Variants in TMTC1 observed in about 807,000 individuals in gnomAD.
The protein encoded by TMTC1 is transmembrane O-mannosyltransferase targeting cadherins 1, also known as protein O-mannosyl-transferase TMTC1.
A neutral mutation model predicts 104.8 loss-of-function variants in TMTC1; 73 were observed. The ratio of observed to expected loss-of-function variants is 0.70; its 90% CI spans 0.58 to 0.85. The LOEUF is 0.85. Ranked by LOEUF, TMTC1 falls within the 40% of genes least tolerant of loss-of-function variation. TMTC1 has a pLI of 0.00. For missense variants in TMTC1, 1,035 were observed against 1,096.1 expected (o/e 0.94, Z 0.79); for synonymous variants, 434 against 428.7 (o/e 1.01, Z -0.15).
intron 10 of TMTC1, among the ~76,000 whole-genome samples, chr12:29,536,634 T>A (rs572631426): frequency 6.6e-6 from 1 of 152,242 alleles, no homozygotes; most frequent in Non-Finnish European, 1.5e-5. Context: ...GAAACTTTGA[T>A]CTTCAGAGGA....
chr12:29,562,311 A>ATTT (rs796221350), intron 9 of TMTC1, among the ~76,000 whole-genome samples: 182 of 152,334 alleles, frequency 1.2e-3, no homozygotes, highest in African/African-American at 4.3e-3. Flanking sequence ...GGCCAGCTAA[A>ATTT]TTATCTGACC....
intron 5 of TMTC1, among the ~76,000 whole-genome samples, chr12:29,750,123 GAAT>G (rs1225727665): frequency 7.3e-5 from 11 of 150,114 alleles, no homozygotes; most frequent in African/African-American, 2.7e-4. Flanking sequence ...ATTCCCCTCA[GAAT>G]AAAATCCAAA....
At chr12:29,710,626 AT>A (rs1591959018) in intron 5 of TMTC1, among the ~76,000 whole-genome samples, 2 of 141,836 alleles carry the variant, frequency 1.4e-5, no homozygotes, top group Admixed American at 7.2e-5. Context: ...TTATATTTAT[AT>A]TTTTATATTT....
chr12:29,703,532 A>C (rs1365740817), intron 5 of TMTC1, among the ~76,000 whole-genome samples: 1 of 152,216 alleles, frequency 6.6e-6, no homozygotes, highest in African/African-American at 2.4e-5. Flanking sequence ...TTTATAGAGA[A>C]CTGGTTGCTT....
intron 5 of TMTC1, among the ~76,000 whole-genome samples, chr12:29,745,607 C>T (rs576713435): frequency 5.5e-5 from 6 of 109,556 alleles, no homozygotes; most frequent in South Asian, 3.1e-4. Context: ...AGCAACAGAG[C>T]GAGACTCAAT....
chr12:29,614,193 A>T (rs1946918862), intron 6 of TMTC1, among the ~76,000 whole-genome samples: 1 of 152,214 alleles, frequency 6.6e-6, no homozygotes, highest in Non-Finnish European at 1.5e-5. Context: ...AAAAGGTGAG[A>T]TTTGCTTCCA....
chr12:29,647,925 T>G (rs544242475), intron 5 of TMTC1, among the ~76,000 whole-genome samples: 1 of 152,290 alleles, frequency 6.6e-6, no homozygotes, highest in South Asian at 2.1e-4. Flanking sequence ...CCCTTCAAAC[T>G]GGTAAGACAA....
chr12:29,700,561 A>G (rs913379325), intron 5 of TMTC1, among the ~76,000 whole-genome samples: 6 of 152,126 alleles, frequency 3.9e-5, no homozygotes, highest in African/African-American at 1.2e-4. Context: ...CTAGTCAAAT[A>G]ACAAATGTGA....
intron 10 of TMTC1, among the ~76,000 whole-genome samples, chr12:29,556,510 A>G (rs990934815): frequency 1.3e-5 from 2 of 152,258 alleles, no homozygotes; most frequent in African/African-American, 4.8e-5. Flanking sequence ...GAAGATTCAC[A>G]AAGAATATTA....
At chr12:29,665,176 G>A (rs1940225931) in intron 5 of TMTC1, among the ~76,000 whole-genome samples, 1 of 152,146 alleles carries the variant, frequency 6.6e-6, no homozygotes. Context: ...GGAATGTCAA[G>A]GGATTCGTGA....
intron 11 of TMTC1, among the ~76,000 whole-genome samples, chr12:29,530,572 C>T (rs1304575297): frequency 6.6e-6 from 1 of 152,106 alleles, no homozygotes; most frequent in East Asian, 1.9e-4. Flanking sequence ...ATGTGCAACC[C>T]CTTCATAAAT....
chr12:29,540,627 C>T (rs969334978), intron 10 of TMTC1, among the ~76,000 whole-genome samples: 6 of 151,816 alleles, frequency 4.0e-5, no homozygotes, highest in African/African-American at 1.2e-4. Flanking sequence ...TTTTTTTTCC[C>T]CAATTCAGAA....
intron 2 of TMTC1, among the ~76,000 whole-genome samples, chr12:29,764,199 A>G (rs2120439701): frequency 6.6e-6 from 1 of 152,366 alleles, no homozygotes. Flanking sequence ...ATAGAATTCA[A>G]ATAATGTAAC....
chr12:29,595,514 T>G (rs980555627), intron 7 of TMTC1, among the ~76,000 whole-genome samples: 4 of 152,194 alleles, frequency 2.6e-5, no homozygotes, highest in Admixed American at 1.3e-4. Flanking sequence ...CCACAGTCCT[T>G]GATGATTGAC....
intron 7 of TMTC1, among the ~76,000 whole-genome samples, chr12:29,600,220 G>A (rs1279267146): frequency 1.3e-5 from 2 of 151,742 alleles, no homozygotes; most frequent in East Asian, 1.9e-4. Context: ...ACACATCCAC[G>A]GGATGCCTAT....
In TMTC1 at chr12:29,605,124, T is replaced by C. The variant is rs28536518; in HGVS notation, c.1129-825A>G. Among the ~76,000 whole-genome samples, 328 of 152,216 alleles carry C rather than the reference T, an allele frequency of 2.2e-3. 1 individual carries two copies. The highest frequency in any genetic ancestry group is 7.4e-3 in the African/African-American group (308 of 41,556). On this transcript the variant is annotated intron_variant, in intron 6 of 17. Transcript: ENST00000539277. The stretch of plus-strand genomic sequence containing the variant: ...GTTATATTTAAAACAAAACTTAATG[T>C]ACTGGAGAATATGTATTTTTTAAGT...
rs1047848528 is a variant in TMTC1, at chr12:29,501,834, T to C, written c.*5012A>G. 6 of 152,152 alleles carry C rather than the reference T, an allele frequency of 3.9e-5. No homozygotes were observed. The highest frequency in any genetic ancestry group is 1.4e-4 in the African/African-American group (6 of 41,434). 9.4% of individuals were successfully genotyped at this position (152,152 alleles called of 1,614,324 possible). ...AAATCAATATTTTAATATCAGCCAA[T>C]TGATTGTTATAAAGATCTTATCAAT... is the stretch of plus-strand genomic sequence containing the variant. On this transcript the variant is annotated 3_prime_UTR_variant, in exon 18 of 18. Coordinates refer to ENST00000539277, the MANE Select transcript of TMTC1 (RefSeq NM_001193451.2).
intron 8 of TMTC1, among the ~76,000 whole-genome samples, chr12:29,575,230 T>C (rs1945789801): frequency 6.6e-6 from 1 of 152,040 alleles, no homozygotes; most frequent in African/African-American, 2.4e-5. Context: ...TGAAGGCTAT[T>C]TGGAAGAAAA....
At chr12:29,700,310 G>A (rs1472915221) in intron 5 of TMTC1, among the ~76,000 whole-genome samples, 1 of 150,126 alleles carries the variant, frequency 6.7e-6, no homozygotes, top group African/African-American at 2.5e-5. Flanking sequence ...TTGGCTCACT[G>A]CAAGCTCCGC....
Sources: allele counts gnomAD v4.1 joint callset (sites outside exome capture counted in the v4.1 genomes callset), GRCh38; gene constraint gnomAD v4.1.1; transcripts MANE v1.5; gene names NCBI Gene and HGNC (gene_info 2026-07-23, HGNC 2026-07-21).